XCR1: variants seen among roughly 807,000 people sequenced by gnomAD.
The protein encoded by XCR1 is X-C motif chemokine receptor 1, also known as chemokine XC receptor 1.
For missense variants in XCR1, 356 were observed against 424.2 expected (o/e 0.84, Z 1.41); for synonymous variants, 187 against 188.5 (o/e 0.99, Z 0.06).
upstream of XCR1, among the ~76,000 whole-genome samples, chr3:46,029,803 G>A (rs983441762): frequency 6.6e-6 from 1 of 151,910 alleles, no homozygotes; most frequent in African/African-American, 2.4e-5. Context: ...CGGGAACACT[G>A]AAAGTCCTTC....
chr3:46,084,788 A>C (rs947546191), intron 1 of XCR1, among the ~76,000 whole-genome samples: 1 of 152,246 alleles, frequency 6.6e-6, no homozygotes, highest in African/African-American at 2.4e-5. Flanking sequence ...ACTGGGGGCT[A>C]CTAGAGGGTG....
chr3:46,026,221 A>G (rs906455078), intron 1 of XCR1, among the ~76,000 whole-genome samples: 1 of 152,198 alleles, frequency 6.6e-6, no homozygotes, highest in Non-Finnish European at 1.5e-5. Flanking sequence ...CATTTACTCA[A>G]AAATTTCAGA....
Position 46,020,787 on chromosome 3 carries a change from G to A in XCR1, c.*159C>T. On this transcript the variant is annotated 3_prime_UTR_variant, in exon 2 of 2. Coordinates refer to ENST00000309285, the MANE Select transcript of XCR1 (RefSeq NM_001024644.2). ...TTTCCCGCAGATGAGAGGCTGGCGGGACCCACTGGTGTAATGAATGACCTT... is the reference window on the plus strand; with the variant it reads ...TTTCCCGCAGATGAGAGGCTGGCGGAACCCACTGGTGTAATGAATGACCTT... 2 of 1,017,692 alleles carry A rather than the reference G, an allele frequency of 2.0e-6. No homozygotes were observed. Among genetic ancestry groups the A allele is most frequent in the Non-Finnish European group, 2.8e-6 (2 of 725,630 alleles). 63.0% of individuals were successfully genotyped at this position (1,017,692 alleles called of 1,614,324 possible).
At chr3:46,055,734 C>A (rs1052293812) in intron 4 of XCR1, among the ~76,000 whole-genome samples, 1 of 152,130 alleles carries the variant, frequency 6.6e-6, no homozygotes, top group African/African-American at 2.4e-5. Context: ...GACCTGGATT[C>A]CGTAATTTCA....
rs1697827965 is a variant in XCR1, at chr3:46,054,983, A to G, written c.-182-913T>C. Among the ~76,000 whole-genome samples the G allele has an allele frequency of 2.0e-5, 3 of 152,222 alleles. 1 individual carries two copies. The highest frequency in any genetic ancestry group is 4.4e-5 in the Non-Finnish European group (3 of 68,032). ...GAAATCGATCACTGGTGGAATCCTT[A>G]GCAGAAAAGGCATATGTAACTCAGG... On this transcript the variant is annotated intron_variant, in intron 4 of 5. Transcript: ENST00000683768.
At position 46,046,542 on chromosome 3, in the gene XCR1, G is replaced by A. The variant is rs944111022; in HGVS notation, c.-32+7378C>T. On this transcript the variant is annotated intron_variant, in intron 5 of 5. Coordinates refer to the XCR1 transcript ENST00000683768. ...TTGATCATATAGCCTCCAGTGGAAT[G>A]CTGAGTTGGTCATGTCCCATGGGCC... Among the ~76,000 whole-genome samples the A allele has an allele frequency of 1.8e-4, 27 of 152,348 alleles. 2 individuals are homozygous for A. The highest frequency in any genetic ancestry group is 1.5e-5 in the Non-Finnish European group (1 of 68,036).
chr3:46,072,881 C>CTA lies in XCR1; in HGVS notation c.-263+1768_-263+1769dup, dbSNP rs1436007894. 3.9e-5 allele frequency among the ~76,000 whole-genome samples: 6 copies of CTA among 152,262 alleles called. 1 individual carries two copies. In the East Asian group the frequency reaches 1.2e-3, roughly 29 times the overall value. On this transcript the variant is annotated intron_variant, in intron 3 of 5. Transcript: ENST00000683768. ...TCTGAGTTCAAATTATACTACAAGG[C>CTA]TATAGTAACCAAAACAGCATGGTAC...
intron 5 of XCR1, among the ~76,000 whole-genome samples, chr3:46,046,861 TCA>T (rs1697639567): frequency 1.3e-5 from 2 of 152,222 alleles, no homozygotes; most frequent in African/African-American, 4.8e-5. Context: ...GTTTTATAAT[TCA>T]CCAATATCAA....
intron 1 of XCR1, among the ~76,000 whole-genome samples, chr3:46,080,807 A>G (rs1306286988): frequency 6.6e-6 from 1 of 152,182 alleles, no homozygotes; most frequent in Non-Finnish European, 1.5e-5. Flanking sequence ...AGATGAAACG[A>G]CAGCTTGGGG....
At chr3:46,054,884 C>T (rs558543359) in intron 4 of XCR1, among the ~76,000 whole-genome samples, 181 of 152,264 alleles carry the variant, frequency 1.2e-3, no homozygotes, top group South Asian at 9.3e-3. Flanking sequence ...AAGAAGTGGT[C>T]CACAGACACG....
intron 4 of XCR1, among the ~76,000 whole-genome samples, chr3:46,057,221 C>A (rs1398400703): frequency 1.3e-5 from 2 of 152,160 alleles, no homozygotes; most frequent in Non-Finnish European, 2.9e-5. Context: ...CCTCAGCTAG[C>A]CAAGTAGCTG....
At chr3:46,054,179 T>C (rs1697807362) in intron 4 of XCR1, among the ~76,000 whole-genome samples, 1 of 152,168 alleles carries the variant, frequency 6.6e-6, no homozygotes, top group South Asian at 2.1e-4. Flanking sequence ...CCCTGAGCTT[T>C]ACACAGCCCT....
intron 4 of XCR1, among the ~76,000 whole-genome samples, chr3:46,064,171 C>T (rs916770179): frequency 6.6e-6 from 1 of 152,140 alleles, no homozygotes; most frequent in Non-Finnish European, 1.5e-5. Context: ...ATGTGTCTGG[C>T]CCCTAATGAT....
rs1708103411 is a variant in XCR1 at position 46,019,624 on chromosome 3, A to C, written c.*1322T>G. The C allele has an allele frequency of 6.6e-6, 1 of 152,338 alleles. No homozygotes were observed. Among genetic ancestry groups the C allele is most frequent in the Admixed American group, 6.5e-5 (1 of 15,282 alleles). The allele number at this position is 152,338 out of a possible 1,614,324, so 9.4% of individuals were successfully genotyped here. On this transcript the variant is annotated 3_prime_UTR_variant, in exon 2 of 2. Coordinates refer to ENST00000309285, the MANE Select transcript of XCR1 (RefSeq NM_001024644.2). Reference sequence around the variant, plus strand: ...ACTGGGGAGATATGTGTCTGAAAGAAGGCCAGTGGTGTTTTGGGGTTGGAT... The same window carrying C: ...ACTGGGGAGATATGTGTCTGAAAGACGGCCAGTGGTGTTTTGGGGTTGGAT...
intron 1 of XCR1, among the ~76,000 whole-genome samples, chr3:46,025,696 A>G (rs1017891888): frequency 2.6e-5 from 4 of 152,244 alleles, no homozygotes; most frequent in Admixed American, 2.6e-4. Flanking sequence ...CTTACCACAA[A>G]GAAAACTTTA....
upstream of XCR1, among the ~76,000 whole-genome samples, chr3:46,030,040 T>TTTTTTG (rs1273169280): frequency 4.7e-5 from 7 of 149,724 alleles, no homozygotes; most frequent in Non-Finnish European, 8.9e-5. Flanking sequence ...GCTTTAATAG[T>TTTTTTG]TTTTTGTTTT....
upstream of XCR1, chr3:46,027,591 A>C (rs1476942932): frequency 6.6e-6 from 1 of 152,294 alleles, no homozygotes; most frequent in African/African-American, 2.4e-5. Flanking sequence ...GAGAGGAGGA[A>C]GGAAGAAGCC....
chr3:46,048,328 G>A (rs183007967), intron 5 of XCR1, among the ~76,000 whole-genome samples: 33 of 152,216 alleles, frequency 2.2e-4, no homozygotes, highest in African/African-American at 6.7e-4. Context: ...AAAACATACC[G>A]CACAGGACAT....
chr3:46,026,548 C>G (rs576134205), intron 1 of XCR1, among the ~76,000 whole-genome samples: 3 of 151,832 alleles, frequency 2.0e-5, no homozygotes, highest in East Asian at 3.9e-4. Flanking sequence ...GTTAGGTCTA[C>G]TCAAAGTATG....
Sources: gnomAD v4.1 joint callset for allele counts (sites outside exome capture counted in the v4.1 genomes callset) on GRCh38, gnomAD v4.1.1 for gene constraint, MANE v1.5 for transcripts, NCBI Gene and HGNC (gene_info 2026-07-23, HGNC 2026-07-21) for gene names.